Variants in NANP observed in about 807,000 individuals in gnomAD.
The protein encoded by NANP is N-acylneuraminate-9-phosphatase.
NANP carries 15 observed loss-of-function variants against 16.9 expected under a neutral mutation model. That is an observed-to-expected ratio of 0.89 (90% CI 0.59 to 1.37). NANP has a LOEUF of 1.37. Ranked by LOEUF, NANP falls within the 40% of genes most tolerant of loss-of-function variation. NANP has a pLI of 0.00. For synonymous variants in NANP, 135 were observed against 112.6 expected (o/e 1.20, Z -1.26); for missense variants, 290 against 303.5 (o/e 0.96, Z 0.33).
chr20:25,616,512 C>T lies in NANP; in HGVS notation c.160G>A (p.Val54Ile), dbSNP rs374450284. ...TGAAAACATTCCTTGCTGAGTTTAA[C>T]TTGAACTTTATCACAGATGATTTCA... ...EAEIICDKVQ[V>I]KLSKECFHPY... Residue 54 changes from valine to isoleucine, a missense_variant, in exon 2 of 2, where the codon GTT (valine) becomes ATT (isoleucine). Transcript: ENST00000304788. 6.2e-6 allele frequency: 10 copies of T among 1,612,972 alleles called. No individual in the cohort carries two copies. The highest frequency in any genetic ancestry group is 1.3e-5 in the African/African-American group (1 of 74,890).
intron 1 of NANP, among the ~76,000 whole-genome samples, chr20:25,622,798 G>T (rs1336642758): frequency 6.6e-6 from 1 of 152,180 alleles, no homozygotes; most frequent in Non-Finnish European, 1.5e-5. Flanking sequence ...CATTACGATG[G>T]ATTTAGTAAT....
Position 25,614,010 on chromosome 20 carries a change from T to G in NANP, c.*1915A>C, listed in dbSNP as rs2122199714. Reference sequence around the variant, plus strand: ...TAATTTTTAAATAGCTAAAATATGATCAAGGTCATATGGGTACTGCATTTG... The same window carrying G: ...TAATTTTTAAATAGCTAAAATATGAGCAAGGTCATATGGGTACTGCATTTG... On this transcript the variant is annotated 3_prime_UTR_variant, in exon 2 of 2. Transcript: ENST00000304788. 1 of 395,454 alleles carries G rather than the reference T, an allele frequency of 2.5e-6. No individual in the cohort carries two copies. Among genetic ancestry groups the G allele is most frequent in the East Asian group, 3.6e-5 (1 of 27,942 alleles). The allele number at this position is 395,454 out of a possible 1,614,324, so 24.5% of individuals were successfully genotyped here. A position where few individuals can be genotyped will look rare whatever the true frequency, so the allele number is the denominator to read the frequency against.
intron 1 of NANP, among the ~76,000 whole-genome samples, chr20:25,617,031 C>CAAAACA (rs1299672519): frequency 1.3e-5 from 2 of 152,046 alleles, no homozygotes; most frequent in African/African-American, 4.8e-5. Flanking sequence ...AAAAACAAAA[C>CAAAACA]AAAACAAAAA....
At chr20:25,617,571 C>T (rs2065348487) in intron 1 of NANP, among the ~76,000 whole-genome samples, 1 of 152,008 alleles carries the variant, frequency 6.6e-6, no homozygotes, top group African/African-American at 2.4e-5. Flanking sequence ...GGCTGGAGTG[C>T]AGTGGTGCAA....
chr20:25,617,114 A>G (rs533407808), intron 1 of NANP, among the ~76,000 whole-genome samples: 2 of 152,364 alleles, frequency 1.3e-5, no homozygotes, highest in Admixed American at 6.5e-5. Context: ...CTATCATCAG[A>G]AAAAAATAAC....
At position 25,614,730 on chromosome 20, in the gene NANP, A is replaced by C. The variant is rs953034295; in HGVS notation, c.*1195T>G. On this transcript the variant is annotated 3_prime_UTR_variant, in exon 2 of 2. Coordinates refer to ENST00000304788, the MANE Select transcript of NANP (RefSeq NM_152667.3). ...GGGCCAGGCACAGTGGCTCATGCCT[A>C]TAATCCTAGGACTTTAGGAGGCTGA... 18 of 152,204 alleles carry C rather than the reference A, an allele frequency of 1.2e-4. No individual in the cohort carries two copies. The highest frequency in any genetic ancestry group is 3.9e-4 in the African/African-American group (16 of 41,458). The allele number at this position is 152,204 out of a possible 1,614,324, so 9.4% of individuals were successfully genotyped here. A position where few individuals can be genotyped will look rare whatever the true frequency, so the allele number is the denominator to read the frequency against.
chr20:25,614,368 T>G lies in NANP; in HGVS notation c.*1557A>C, dbSNP rs189862166. ...ACATATCAAAAACCAACCTAAATCA[T>G]ATTTATTAACCACTTTAATAAGCCC... On this transcript the variant is annotated 3_prime_UTR_variant, in exon 2 of 2. Transcript: ENST00000304788. 1 of 152,376 alleles carries G rather than the reference T, an allele frequency of 6.6e-6. No homozygotes were observed. The allele number at this position is 152,376 out of a possible 1,614,324, so 9.4% of individuals were successfully genotyped here. A position where few individuals can be genotyped will look rare whatever the true frequency, so the allele number is the denominator to read the frequency against.
rs2065338238 is a variant in NANP at position 25,615,258 on chromosome 20, C to T, written c.*667G>A. The T allele has an allele frequency of 2.6e-5, 4 of 152,002 alleles. No homozygotes were observed. The South Asian group carries it at 8.3e-4, about 32-fold the overall frequency. The allele number at this position is 152,002 out of a possible 1,614,324, so 9.4% of individuals were successfully genotyped here. ...GAGCACCATGTGTTGATTTTAACAG[C>T]TTTTTCTAACTGGAGGAATCTGTCA... On this transcript the variant is annotated 3_prime_UTR_variant, in exon 2 of 2. Coordinates refer to ENST00000304788, the MANE Select transcript of NANP (RefSeq NM_152667.3).
intron 1 of NANP, among the ~76,000 whole-genome samples, chr20:25,618,524 G>C (rs771925537): frequency 6.6e-6 from 1 of 152,076 alleles, no homozygotes. Flanking sequence ...AGCAGGTGCT[G>C]CCTAAATCCC....
At chr20:25,618,997 T>C (rs1458979886) in intron 1 of NANP, among the ~76,000 whole-genome samples, 1 of 152,122 alleles carries the variant, frequency 6.6e-6, no homozygotes, top group East Asian at 1.9e-4. Context: ...AATATATCTG[T>C]TGTAATGGGA....
At chr20:25,621,216 C>T (rs2065363126) in intron 1 of NANP, among the ~76,000 whole-genome samples, 1 of 152,182 alleles carries the variant, frequency 6.6e-6, no homozygotes, top group Non-Finnish European at 1.5e-5. Context: ...CTCGATGAGG[C>T]CAAATCTGAC....
chr20:25,617,363 C>G (rs1002872802), intron 1 of NANP, among the ~76,000 whole-genome samples: 5 of 152,158 alleles, frequency 3.3e-5, no homozygotes, highest in African/African-American at 1.2e-4. Context: ...AGGCGCCCAC[C>G]ACGACGCCTG....
At position 25,616,545 on chromosome 20, in the gene NANP, C is replaced by G. The variant is rs1471541077; in HGVS notation, c.127G>C (p.Glu43Gln). 1 of 1,604,830 alleles carries G rather than the reference C, an allele frequency of 6.2e-7. No homozygotes were observed. Residue 43 changes from glutamate to glutamine, a missense_variant, in exon 2 of 2, where the codon GAA (glutamate) becomes CAA (glutamine). Physicochemically the swap from Glu to Gln is conservative, Grantham distance 29. Coordinates refer to ENST00000304788, the MANE Select transcript of NANP (RefSeq NM_152667.3). ...KLLQSKYHYKEEAEIICDKVQ... is the reference protein window; with the variant it reads ...KLLQSKYHYKQEAEIICDKVQ... ...TTATCACAGATGATTTCAGCCTCTT[C>G]TTTATAATGGTATTTTGATTGTAAG...
rs1465891184 is a variant in NANP, at chr20:25,614,081, C to T, written c.*1844G>A. 1 of 375,710 alleles carries T rather than the reference C, an allele frequency of 2.7e-6. No individual in the cohort carries two copies. Among genetic ancestry groups the T allele is most frequent in the Non-Finnish European group, 4.7e-6 (1 of 212,072 alleles). 23.3% of individuals were successfully genotyped at this position (375,710 alleles called of 1,614,324 possible). ...TCACAAATGTTCACTGTTATAGCAA[C>T]AGCACTTTGGTACAGTCAAGGGCAC... is the stretch of plus-strand genomic sequence containing the variant. On this transcript the variant is annotated 3_prime_UTR_variant, in exon 2 of 2. Coordinates refer to ENST00000304788, the MANE Select transcript of NANP (RefSeq NM_152667.3).
Position 25,613,961 on chromosome 20 carries a change from T to C in NANP, c.*1964A>G, listed in dbSNP as rs1330793522. The C allele has an allele frequency of 5.0e-6, 2 of 397,460 alleles. No individual in the cohort carries two copies. Among genetic ancestry groups the C allele is most frequent in the South Asian group, 1.3e-4 (1 of 7,490 alleles). 24.6% of individuals were successfully genotyped at this position (397,460 alleles called of 1,614,324 possible). ...CTATCAGAGCAATCATGCATGTGACTACTTCTGCCAAAATCCTCCAACTTA... is the reference window on the plus strand; with the variant it reads ...CTATCAGAGCAATCATGCATGTGACCACTTCTGCCAAAATCCTCCAACTTA... On this transcript the variant is annotated 3_prime_UTR_variant, in exon 2 of 2. Coordinates refer to ENST00000304788, the MANE Select transcript of NANP (RefSeq NM_152667.3).
In NANP at chr20:25,616,218, C is replaced by A. The variant is rs746516683; in HGVS notation, c.454G>T (p.Asp152Tyr). The A allele has an allele frequency of 1.2e-6, 2 of 1,614,044 alleles. No homozygotes were observed. Among genetic ancestry groups the A allele is most frequent in the East Asian group, 2.2e-5 (1 of 44,888 alleles). ...TGCTCTCCACCTACAACAACAGCGT[C>A]AAAATAGGACTGACAGGCACAAGCC... ...IEACACQSYF[D>Y]AVVVGGEQRE... Residue 152 changes from aspartate to tyrosine, a missense_variant, in exon 2 of 2, where the codon GAC (aspartate) becomes TAC (tyrosine). Asp to Tyr is a radical substitution (Grantham distance 160). Coordinates refer to ENST00000304788, the MANE Select transcript of NANP (RefSeq NM_152667.3).
rs2065332032 is a variant in NANP at position 25,614,007 on chromosome 20, T to C, written c.*1918A>G. ...ACTTAATTTTTAAATAGCTAAAATA[T>C]GATCAAGGTCATATGGGTACTGCAT... is the stretch of plus-strand genomic sequence containing the variant. On this transcript the variant is annotated 3_prime_UTR_variant, in exon 2 of 2. Transcript: ENST00000304788. 2.5e-6 allele frequency: 1 copy of C among 395,578 alleles called. No homozygotes were observed. The highest frequency in any genetic ancestry group is 2.1e-5 in the African/African-American group (1 of 48,578). 24.5% of individuals were successfully genotyped at this position (395,578 alleles called of 1,614,324 possible). A position where few individuals can be genotyped will look rare whatever the true frequency, so the allele number is the denominator to read the frequency against.
At chr20:25,622,852 C>T (rs1033786202) in intron 1 of NANP, among the ~76,000 whole-genome samples, 2 of 152,114 alleles carry the variant, frequency 1.3e-5, no homozygotes, top group Non-Finnish European at 2.9e-5. Context: ...TAGATTTCTC[C>T]GGGAAAACAT....
chr20:25,618,374 GGCC>G (rs1349216525), intron 1 of NANP, among the ~76,000 whole-genome samples: 1 of 152,122 alleles, frequency 6.6e-6, no homozygotes, highest in Non-Finnish European at 1.5e-5. Context: ...CATGAACAAA[GGCC>G]AAGAGTTTAA....
Sources: gnomAD v4.1 joint callset for allele counts (sites outside exome capture counted in the v4.1 genomes callset) on GRCh38, gnomAD v4.1.1 for gene constraint, MANE v1.5 for transcripts, NCBI Gene and HGNC (gene_info 2026-07-23, HGNC 2026-07-21) for gene names.